MYO3A: variants seen among roughly 807,000 people sequenced by gnomAD.
MYO3A encodes myosin IIIA.
A neutral mutation model predicts 192.7 loss-of-function variants in MYO3A; 180 were observed. That is an observed-to-expected ratio of 0.93 (90% CI 0.83 to 1.06). MYO3A has a LOEUF of 1.06. Ranked by LOEUF, MYO3A falls within the 50% of genes least tolerant of loss-of-function variation. The probability of loss-of-function intolerance (pLI) is 0.00; values close to 1 mark genes in which losing one functional copy is unlikely to be tolerated. For missense variants in MYO3A, 1,896 were observed against 1,905.0 expected, an observed-to-expected ratio of 1.00 and a Z score of 0.09; for synonymous variants, 628 against 645.3, an observed-to-expected ratio of 0.97 and a Z score of 0.41.
intron 17 of MYO3A, among the ~76,000 whole-genome samples, chr10:26,117,881 T>G (rs1220533394): frequency 6.6e-6 from 1 of 152,210 alleles, no homozygotes; most frequent in African/African-American, 2.4e-5. Flanking sequence ...CTGGGTCAGA[T>G]AGTATTTCTG....
intron 4 of MYO3A, among the ~76,000 whole-genome samples, chr10:25,970,304 A>G (rs1361295825): frequency 1.3e-5 from 2 of 151,996 alleles, no homozygotes; most frequent in African/African-American, 4.8e-5. Context: ...AAGAAAAACT[A>G]ACAAATACCT....
intron 9 of MYO3A, among the ~76,000 whole-genome samples, chr10:26,025,851 A>G (rs1459362690): frequency 6.6e-6 from 1 of 152,240 alleles, no homozygotes; most frequent in South Asian, 2.1e-4. Flanking sequence ...CAAAAAATAC[A>G]TATTGACATG....
chr10:26,107,656 T>C (rs1273841360), intron 17 of MYO3A, among the ~76,000 whole-genome samples: 1 of 152,192 alleles, frequency 6.6e-6, no homozygotes, highest in East Asian at 1.9e-4. Context: ...TGAAATCTTA[T>C]GCCATAGATT....
At chr10:26,178,539 C>T (rs1389628159) in intron 31 of MYO3A, among the ~76,000 whole-genome samples, 2 of 147,068 alleles carry the variant, frequency 1.4e-5, no homozygotes, top group East Asian at 2.0e-4. Flanking sequence ...GGTGACAGAG[C>T]GAGACTCTGT....
rs149096161 is a variant in MYO3A at position 26,112,007 on chromosome 10, T to G, written c.1777-8669T>G. Reference sequence around the variant, plus strand: ...ATCATTTTTAATTGGTTTGTTTACTTCAAAGTCCCACTCATCAGAGGCAGT... The same window carrying G: ...ATCATTTTTAATTGGTTTGTTTACTGCAAAGTCCCACTCATCAGAGGCAGT... On this transcript the variant is annotated intron_variant, in intron 17 of 34. Coordinates refer to ENST00000642920, the MANE Select transcript of MYO3A (RefSeq NM_017433.5). Among the ~76,000 whole-genome samples the G allele has an allele frequency of 4.1e-3, 619 of 152,328 alleles. 6 individuals are homozygous for G. Among genetic ancestry groups the G allele is most frequent in the African/African-American group, 0.014 (584 of 41,584 alleles).
At chr10:26,052,185 G>A (rs75778946) in intron 10 of MYO3A, among the ~76,000 whole-genome samples, 1 of 152,238 alleles carries the variant, frequency 6.6e-6, no homozygotes, top group East Asian at 1.9e-4. Flanking sequence ...TACATACATA[G>A]CTAAACATGT....
intron 22 of MYO3A, among the ~76,000 whole-genome samples, chr10:26,146,233 C>A (rs1262137111): frequency 1.3e-5 from 2 of 152,130 alleles, no homozygotes; most frequent in Non-Finnish European, 2.9e-5. Flanking sequence ...ACAGGTCATT[C>A]TTTCACAATG....
chr10:26,090,056 A>G (rs1836603730), intron 15 of MYO3A, among the ~76,000 whole-genome samples: 2 of 152,232 alleles, frequency 1.3e-5, no homozygotes, highest in Non-Finnish European at 2.9e-5. Flanking sequence ...ACCCATAACT[A>G]GAAGGACCGC....
chr10:26,121,935 A>G (rs943972352), intron 18 of MYO3A, among the ~76,000 whole-genome samples: 3 of 152,176 alleles, frequency 2.0e-5, no homozygotes, highest in Non-Finnish European at 4.4e-5. Context: ...TCTGGAGCCA[A>G]TGTGATAATA....
At chr10:25,963,865 T>C (rs943921546) in intron 4 of MYO3A, among the ~76,000 whole-genome samples, 1 of 152,170 alleles carries the variant, frequency 6.6e-6, no homozygotes, top group African/African-American at 2.4e-5. Context: ...ACATAATATA[T>C]ATAACTCTTA....
At chr10:25,961,304 A>G (rs1434996453) in intron 4 of MYO3A, among the ~76,000 whole-genome samples, 1 of 152,138 alleles carries the variant, frequency 6.6e-6, no homozygotes, top group East Asian at 1.9e-4. Context: ...TATTATGCCT[A>G]TTAAATCCCT....
intron 6 of MYO3A, among the ~76,000 whole-genome samples, chr10:26,000,342 T>A (rs77740646): frequency 0.064 from 9,741 of 152,296 alleles, 406 homozygotes; most frequent in Non-Finnish European, 0.094. Flanking sequence ...TGCTTTTTCT[T>A]TTTTTCCTGC....
intron 22 of MYO3A, 58 bp downstream of exon 22, chr10:26,145,592 G>T (rs1385269121): frequency 1.5e-6 from 2 of 1,300,876 alleles, no homozygotes; most frequent in Non-Finnish European, 2.2e-6. Flanking sequence ...TGAATAATAG[G>T]ATAGACATGA....
At chr10:26,055,427 A>C (rs1844255621) in intron 10 of MYO3A, among the ~76,000 whole-genome samples, 1 of 151,980 alleles carries the variant, frequency 6.6e-6, no homozygotes, top group African/African-American at 2.4e-5. Flanking sequence ...AAATACAGAA[A>C]ATATCAGCTT....
intron 10 of MYO3A, among the ~76,000 whole-genome samples, chr10:26,059,995 C>T (rs944080028): frequency 2.0e-5 from 3 of 152,110 alleles, no homozygotes; most frequent in African/African-American, 4.8e-5. Context: ...TGATGGCTCA[C>T]GCCCGTAATC....
At chr10:26,054,642 G>A (rs890286555) in intron 10 of MYO3A, among the ~76,000 whole-genome samples, 11 of 152,264 alleles carry the variant, frequency 7.2e-5, no homozygotes, top group Non-Finnish European at 1.0e-4. Context: ...ATTAGTGGCC[G>A]GGCCCTAAAT....
chr10:25,978,926 T>C (rs1839128453), intron 4 of MYO3A, among the ~76,000 whole-genome samples: 1 of 151,214 alleles, frequency 6.6e-6, no homozygotes, highest in Non-Finnish European at 1.5e-5. Context: ...GTTTGGTATG[T>C]GCAGACTATT....
At chr10:26,106,557 T>C (rs1837814093) in intron 17 of MYO3A, among the ~76,000 whole-genome samples, 1 of 152,110 alleles carries the variant, frequency 6.6e-6, no homozygotes, top group South Asian at 2.1e-4. Context: ...GTAATAATGA[T>C]TATAGTTGGC....
intron 4 of MYO3A, among the ~76,000 whole-genome samples, chr10:25,975,773 A>G (rs886851571): frequency 2.0e-5 from 3 of 152,148 alleles, no homozygotes; most frequent in Non-Finnish European, 4.4e-5. Context: ...AAACATTAAA[A>G]TGCATTTGTT....
Sources: gnomAD v4.1 joint callset for allele counts (sites outside exome capture counted in the v4.1 genomes callset) on GRCh38, gnomAD v4.1.1 for gene constraint, MANE v1.5 for transcripts, NCBI Gene and HGNC (gene_info 2026-07-23, HGNC 2026-07-21) for gene names.